The following NME7 variants were observed in gnomAD, a reference collection of about 807,000 sequenced individuals.
NME7 encodes the protein NME/NM23 family member 7.
NME7 carries 41 observed loss-of-function variants against 49.1 expected under a neutral mutation model. The ratio of observed to expected loss-of-function variants is 0.83; its 90% CI spans 0.65 to 1.08. The LOEUF is 1.08. Among genes scored for constraint, NME7 ranks in the 50% least tolerant of loss-of-function variants. NME7 has a pLI of 0.00. For missense variants in NME7, 423 were observed against 463.4 expected, an observed-to-expected ratio of 0.91 and a Z score of 0.80; for synonymous variants, 139 against 150.6, an observed-to-expected ratio of 0.92 and a Z score of 0.56.
intron 7 of NME7, chr1:169,286,065 C>T (rs993746669): frequency 6.6e-6 from 1 of 152,082 alleles, no homozygotes; most frequent in African/African-American, 2.4e-5. Flanking sequence ...ATTAAAGAAT[C>T]TATTAAAATA....
intron 3 of NME7, among the ~76,000 whole-genome samples, chr1:169,313,765 T>C (rs1274956288): frequency 6.6e-6 from 1 of 151,964 alleles, no homozygotes; most frequent in East Asian, 1.9e-4. Flanking sequence ...CTTCAGATAC[T>C]AGGATAATCA....
At chr1:169,213,924 T>C (rs958665266) in intron 10 of NME7, among the ~76,000 whole-genome samples, 1 of 152,084 alleles carries the variant, frequency 6.6e-6, no homozygotes, top group Non-Finnish European at 1.5e-5. Context: ...GATTACCCAG[T>C]GCTATACATT....
intron 6 of NME7, among the ~76,000 whole-genome samples, chr1:169,295,460 TTTA>T (rs1330536944): frequency 6.6e-6 from 1 of 152,232 alleles, no homozygotes; most frequent in Non-Finnish European, 1.5e-5. Flanking sequence ...ATTAGATATG[TTTA>T]TTATTTTTAT....
At chr1:169,167,240 C>A (rs776564554) in intron 11 of NME7, among the ~76,000 whole-genome samples, 5 of 151,990 alleles carry the variant, frequency 3.3e-5, no homozygotes, top group Admixed American at 6.6e-5. Context: ...TAAATCCATA[C>A]CTCACACTAT....
chr1:169,315,796 A>T (rs570731465), intron 3 of NME7, among the ~76,000 whole-genome samples: 1 of 152,220 alleles, frequency 6.6e-6, no homozygotes, highest in African/African-American at 2.4e-5. Flanking sequence ...AAAGTAAAAA[A>T]TGTTTCAAAC....
At position 169,274,597 on chromosome 1, in the gene NME7, T is replaced by C. The variant is rs1338901053; in HGVS notation, c.754+12706A>G. 3.0e-5 allele frequency among the ~76,000 whole-genome samples: 4 copies of C among 133,904 alleles called. 1 individual carries two copies. Among genetic ancestry groups the C allele is most frequent in the African/African-American group, 1.0e-4 (4 of 39,576 alleles). The allele number at this position is 133,904 out of a possible 152,430, so 87.8% of individuals were successfully genotyped here. The stretch of plus-strand genomic sequence containing the variant: ...TTTTCTTCTAGGGTTTTTATGGTTT[T>C]AGGTCTAACGTTTAAGTCTTTAATC... On this transcript the variant is annotated intron_variant, in intron 7 of 11. Transcript: ENST00000367811.
In NME7 at chr1:169,222,124, T is replaced by C. The variant is rs141002112; in HGVS notation, c.990+8594A>G. 2.6e-5 allele frequency among the ~76,000 whole-genome samples: 4 copies of C among 151,880 alleles called. No homozygotes were observed. The East Asian group carries it at 7.7e-4, about 29-fold the overall frequency. ...CTTCTCTGATGACTCCAACTTATAA[T>C]CAAATCCTATCTACACTTCCTTAAC... On this transcript the variant is annotated intron_variant, in intron 10 of 11. Transcript: ENST00000367811.
At chr1:169,320,173 T>C (rs1358379675) in intron 3 of NME7, among the ~76,000 whole-genome samples, 3 of 152,084 alleles carry the variant, frequency 2.0e-5, no homozygotes, top group African/African-American at 7.2e-5. Context: ...TAAACAACAA[T>C]CATAAAGCAC....
intron 1 of NME7, among the ~76,000 whole-genome samples, chr1:169,366,136 C>T (rs1653843229): frequency 6.6e-6 from 1 of 152,062 alleles, no homozygotes; most frequent in African/African-American, 2.4e-5. Context: ...AATGTCTAGA[C>T]TAAGAAATGA....
chr1:169,281,303 G>T (rs1296891014), intron 7 of NME7, among the ~76,000 whole-genome samples: 1 of 152,158 alleles, frequency 6.6e-6, no homozygotes, highest in Non-Finnish European at 1.5e-5. Flanking sequence ...TACTGATTTT[G>T]TATCCTGAGA....
Position 169,321,526 on chromosome 1 carries a change from T to A in NME7, c.278+1591A>T, listed in dbSNP as rs920409567. On this transcript the variant is annotated intron_variant, in intron 3 of 11. Transcript: ENST00000367811. ...TTGGCATTTCTTTAATCCCAAAGAC[T>A]TTTACATAAGATCTCATAACATTAA... Among the ~76,000 whole-genome samples, 3 of 152,228 alleles carry A rather than the reference T, an allele frequency of 2.0e-5. No homozygotes were observed. The East Asian group carries it at 5.8e-4, about 29-fold the overall frequency.
rs1651975091 is a variant in NME7 at position 169,324,423 on chromosome 1, T to C, written c.81A>G (p.Leu27=). 3.1e-6 allele frequency: 5 copies of C among 1,613,060 alleles called. No homozygotes were observed. In the Admixed American group the frequency reaches 6.7e-5, roughly 22 times the overall value. ...NASLLRRYEL[L]FYPGDGSVEM... ...CAACAGATCCATCCCCTGGGTAAAA[T>C]AAAAGCTCATAACGTCGAAGAAGTG... Residue 27 remains leucine, a synonymous_variant, in exon 2 of 12, where the codon TTA becomes TTG. Transcript: ENST00000367811.
At chr1:169,239,004 A>C (rs1647975797) in intron 7 of NME7, among the ~76,000 whole-genome samples, 1 of 152,080 alleles carries the variant, frequency 6.6e-6, no homozygotes, top group African/African-American at 2.4e-5. Flanking sequence ...AAGTTGTATT[A>C]CTAAAAATTA....
chr1:169,229,517 T>G (rs1315084474), intron 10 of NME7, among the ~76,000 whole-genome samples: 1 of 152,244 alleles, frequency 6.6e-6, no homozygotes, highest in Admixed American at 6.5e-5. Context: ...CATGTGGCAC[T>G]GTAAATGTTC....
At chr1:169,216,606 T>C (rs1036540951) in intron 10 of NME7, among the ~76,000 whole-genome samples, 2 of 152,204 alleles carry the variant, frequency 1.3e-5, no homozygotes, top group South Asian at 2.1e-4. Context: ...AAAGTGGGGG[T>C]TGTGGAAACT....
chr1:169,266,990 C>T lies in NME7; in HGVS notation c.754+20313G>A, dbSNP rs989978499. Among the ~76,000 whole-genome samples, 7 of 133,024 alleles carry T rather than the reference C, an allele frequency of 5.3e-5. 2 individuals carry two copies. Among genetic ancestry groups the T allele is most frequent in the Non-Finnish European group, 1.2e-4 (7 of 56,742 alleles). The allele number at this position is 133,024 out of a possible 152,430, so 87.3% of individuals were successfully genotyped here. A position where few individuals can be genotyped will look rare whatever the true frequency, so the allele number is the denominator to read the frequency against. The stretch of plus-strand genomic sequence containing the variant: ...GGCTGAGGCACAAGAATCGCTTGAA[C>T]CTGGGAGGTGGAGGTTGCCGTGAGC... On this transcript the variant is annotated intron_variant, in intron 7 of 11. Transcript: ENST00000367811.
intron 3 of NME7, among the ~76,000 whole-genome samples, chr1:169,321,967 G>A (rs10800431): frequency 0.35 from 53,328 of 151,764 alleles, 10,470 homozygotes; most frequent in Non-Finnish European, 0.44. Context: ...ACCATACAAA[G>A]TATAAGCTAC....
chr1:169,204,456 T>C (rs1660624401), intron 10 of NME7, among the ~76,000 whole-genome samples: 1 of 152,076 alleles, frequency 6.6e-6, no homozygotes, highest in African/African-American at 2.4e-5. Context: ...TCTACTATTA[T>C]ACTATATCCA....
chr1:169,199,450 TTTATTATTATTATTATTA>T (rs150975177), intron 10 of NME7, among the ~76,000 whole-genome samples: 15 of 111,556 alleles, frequency 1.3e-4, no homozygotes, highest in Non-Finnish European at 1.7e-4. Flanking sequence ...CAGGGTCTTT[TTTATTATTATTATTATTA>T]TTATTATTAT....
Sources: gnomAD v4.1 joint callset for allele counts (sites outside exome capture counted in the v4.1 genomes callset) on GRCh38, gnomAD v4.1.1 for gene constraint, MANE v1.5 for transcripts, NCBI Gene and HGNC (gene_info 2026-07-23, HGNC 2026-07-21) for gene names.